CSK: variants seen among roughly 807,000 people sequenced by gnomAD.
CSK encodes the protein tyrosine-protein kinase CSK.
Under a neutral mutation model 62.3 loss-of-function variants are expected in CSK, and 7 were observed. That is an observed-to-expected ratio of 0.11 (90% CI 0.06 to 0.21). The LOEUF is 0.21. CSK is among the 10% of genes least tolerant of loss of function. The pLI is 1.00. For missense variants in CSK, 294 were observed against 613.5 expected, an observed-to-expected ratio of 0.48 and a Z score of 5.50; for synonymous variants, 237 against 246.0, an observed-to-expected ratio of 0.96 and a Z score of 0.34.
Position 74,802,777 on chromosome 15 carries a change from C to T in CSK, c.*264C>T, listed in dbSNP as rs976651751. The T allele has an allele frequency of 1.0e-4, 43 of 426,736 alleles. No homozygotes were observed. Among genetic ancestry groups the T allele is most frequent in the African/African-American group, 7.1e-4 (34 of 48,200 alleles). The allele number at this position is 426,736 out of a possible 1,614,324, so 26.4% of individuals were successfully genotyped here. On this transcript the variant is annotated 3_prime_UTR_variant, in exon 13 of 13. Coordinates refer to ENST00000220003, the MANE Select transcript of CSK (RefSeq NM_004383.3). ...ACCACGTCGGGCTTCCCTGGCCTCCCGCCACTCGCCTTCTTAGAGTTTTAT... is the reference window on the plus strand; with the variant it reads ...ACCACGTCGGGCTTCCCTGGCCTCCTGCCACTCGCCTTCTTAGAGTTTTAT...
intron 1 of CSK, among the ~76,000 whole-genome samples, chr15:74,793,878 G>A (rs1253434467): frequency 1.3e-5 from 2 of 152,008 alleles, no homozygotes; most frequent in African/African-American, 2.4e-5. Flanking sequence ...GAGGAAGGGG[G>A]AGGCATGGGG....
chr15:74,797,909 C>T (rs1037903905), intron 1 of CSK: 13 of 192,392 alleles, frequency 6.8e-5, no homozygotes, highest in Admixed American at 4.8e-4. Flanking sequence ...GCCCCTTTCC[C>T]CACAGAACAG....
chr15:74,786,002 C>CTCTCTTTTTTTTT (rs397829139), intron 1 of CSK, among the ~76,000 whole-genome samples: 1 of 73,620 alleles, frequency 1.4e-5, no homozygotes, highest in Non-Finnish European at 2.5e-5. Context: ...CTCTCTCTCT[C>CTCTCTTTTTTTTT]TTTTTTTTTT....
chr15:74,786,973 A>C (rs903177168), intron 1 of CSK, among the ~76,000 whole-genome samples: 1 of 152,164 alleles, frequency 6.6e-6, no homozygotes, highest in East Asian at 1.9e-4. Context: ...CTCCTGTCCC[A>C]CAGCTTGGGA....
chr15:74,792,343 G>A (rs1277810822), intron 1 of CSK, among the ~76,000 whole-genome samples: 1 of 152,138 alleles, frequency 6.6e-6, no homozygotes, highest in Non-Finnish European at 1.5e-5. Context: ...GAATGGCAAG[G>A]CGGGGAGGGA....
Position 74,800,702 on chromosome 15 carries a change from A to G in CSK, c.578A>G (p.Lys193Arg). Reference protein sequence around the residue: ...FYRSGWALNMKELKLLQTIGK... With the variant: ...FYRSGWALNMRELKLLQTIGK... ...ACAGGCGGCTGGGCCCTGAACATGA[A>G]GGAGCTGAAGCTGCTGCAGACCATC... Residue 193 changes from lysine (K) to arginine (R), a missense_variant, in exon 7 of 13, where the codon AAG becomes AGG. Physicochemically the swap from Lys to Arg is conservative, Grantham distance 26. Coordinates refer to ENST00000220003, the MANE Select transcript of CSK (RefSeq NM_004383.3). The G allele has an allele frequency of 6.4e-7, 1 of 1,560,412 alleles. No individual in the cohort carries two copies. Among genetic ancestry groups the G allele is most frequent in the South Asian group, 1.2e-5 (1 of 85,186 alleles).
At position 74,800,402 on chromosome 15, in the gene CSK, C is replaced by CA; in HGVS notation, c.463-9dup. The CA allele has an allele frequency of 2.5e-6, 4 of 1,613,144 alleles. No individual in the cohort carries two copies. Among genetic ancestry groups the CA allele is most frequent in the Non-Finnish European group, 3.4e-6 (4 of 1,179,526 alleles). On this transcript the variant is annotated splice_polypyrimidine_tract_variant and intron_variant, in intron 5 of 12. Coordinates refer to ENST00000220003, the MANE Select transcript of CSK (RefSeq NM_004383.3). ...CTGTCTCTGAGCACCCTGCCCCCCA[C>CA]ACCCTGCAGCACTACACCTCAGACG...
At chr15:74,792,232 G>C (rs924979902) in intron 1 of CSK, among the ~76,000 whole-genome samples, 9 of 152,144 alleles carry the variant, frequency 5.9e-5, no homozygotes, top group African/African-American at 2.2e-4. Flanking sequence ...CTGTCCTGCT[G>C]TGTTTTTTTA....
At chr15:74,789,756 A>G (rs766840630) in intron 1 of CSK, among the ~76,000 whole-genome samples, 1 of 152,088 alleles carries the variant, frequency 6.6e-6, no homozygotes, top group Non-Finnish European at 1.5e-5. Flanking sequence ...AAATCCTTCT[A>G]GCTCCTGCTC....
At chr15:74,794,863 C>A (rs1212629653) in intron 1 of CSK, among the ~76,000 whole-genome samples, 1 of 152,124 alleles carries the variant, frequency 6.6e-6, no homozygotes, top group South Asian at 2.1e-4. Flanking sequence ...TGCTGAGGCC[C>A]CATCGCCCTT....
chr15:74,792,911 G>C lies in CSK; in HGVS notation c.-65-5322G>C, dbSNP rs781018946. 3.9e-5 allele frequency: 6 copies of C among 152,328 alleles called. No individual in the cohort carries two copies. The South Asian group carries it at 6.2e-4, about 16-fold the overall frequency. The allele number at this position is 152,328 out of a possible 1,614,324, so 9.4% of individuals were successfully genotyped here. The stretch of plus-strand genomic sequence containing the variant: ...TGTCCCCTAGCTCTGTGGGGGTGGG[G>C]TGACAGCTGCTATCGCTTTGGGGTT... On this transcript the variant is annotated intron_variant, in intron 1 of 12. Coordinates refer to ENST00000220003, the MANE Select transcript of CSK (RefSeq NM_004383.3).
At position 74,802,499 on chromosome 15, in the gene CSK, G is replaced by A. The variant is rs777296284; in HGVS notation, c.1339G>A (p.Glu447Lys). 4 of 1,611,534 alleles carry A rather than the reference G, an allele frequency of 2.5e-6. No homozygotes were observed. Among genetic ancestry groups the A allele is most frequent in the Middle Eastern group, 1.7e-4 (1 of 6,048 alleles). ...GCAGCTTGAGCACATCAAAACCCAC[G>A]AGCTGCACCTGTGACGGCTGGCCTC... Reference protein sequence around the residue: ...REQLEHIKTHELHL With the variant: ...REQLEHIKTHKLHL Residue 447 changes from glutamate (E) to lysine (K), a missense_variant, in exon 13 of 13, where the codon GAG becomes AAG. Physicochemically the swap from Glu to Lys is moderately conservative, Grantham distance 56 (BLOSUM62 1). Transcript: ENST00000220003.
At chr15:74,791,721 C>A (rs997380610) in intron 1 of CSK, among the ~76,000 whole-genome samples, 4 of 152,174 alleles carry the variant, frequency 2.6e-5, no homozygotes, top group Non-Finnish European at 4.4e-5. Flanking sequence ...ATGACATTGA[C>A]ATGAAGAGTC....
At chr15:74,801,414 T>A (rs2063790811) in intron 9 of CSK, 108 bp from the exon 10 acceptor site, 1 of 1,096,052 alleles carries the variant, frequency 9.1e-7, no homozygotes. Context: ...ACTCCTTCCC[T>A]GTCTCACACC....
rs1020843817 is a variant in CSK, at chr15:74,798,003, G to A, written c.-65-230G>A. The A allele has an allele frequency of 1.9e-5, 7 of 370,012 alleles. No homozygotes were observed. Among genetic ancestry groups the A allele is most frequent in the Admixed American group, 8.7e-5 (2 of 22,890 alleles). The allele number at this position is 370,012 out of a possible 1,614,324, so 22.9% of individuals were successfully genotyped here. ...TGCTCCTTTCTATCAGTCCTGGAAG[G>A]CCCCCTGTGGCCTTAGGGTTGGTGG... On this transcript the variant is annotated intron_variant, in intron 1 of 12. Coordinates refer to ENST00000220003, the MANE Select transcript of CSK (RefSeq NM_004383.3). The surrounding 1 kb of genome is among the most constrained non-coding windows in gnomAD (Gnocchi z 6.6).
At chr15:74,793,463 C>T (rs2063656524) in intron 1 of CSK, among the ~76,000 whole-genome samples, 1 of 152,184 alleles carries the variant, frequency 6.6e-6, no homozygotes, top group Non-Finnish European at 1.5e-5. Context: ...GCCTGTCCGG[C>T]AGGGAGGCAC....
At chr15:74,784,198 G>A (rs544013158) in intron 1 of CSK, among the ~76,000 whole-genome samples, 4 of 152,274 alleles carry the variant, frequency 2.6e-5, no homozygotes, top group African/African-American at 7.2e-5. Flanking sequence ...CCCTGCTCAC[G>A]ATTTAGGGTT....
chr15:74,798,743 C>G lies in CSK; in HGVS notation c.129+15C>G. 6.2e-7 allele frequency: 1 copy of G among 1,610,344 alleles called. No individual in the cohort carries two copies. The highest frequency in any genetic ancestry group is 8.5e-7 in the Non-Finnish European group (1 of 1,177,222). On this transcript the variant is annotated intron_variant, in intron 3 of 12. Transcript: ENST00000220003. The surrounding 1 kb of genome is among the most constrained non-coding windows in gnomAD (Gnocchi z 6.6). ...CCGTCACCAAGGTAATCAGGTGACG[C>G]CCACCCCACCATCCCACTGCTGGGC...
At chr15:74,786,833 C>T (rs2063529147) in intron 1 of CSK, among the ~76,000 whole-genome samples, 1 of 152,204 alleles carries the variant, frequency 6.6e-6, no homozygotes, top group Non-Finnish European at 1.5e-5. Context: ...AGGGGTCCTC[C>T]CCCAGGTGGC....
Sources: gnomAD v4.1 joint callset for allele counts (sites outside exome capture counted in the v4.1 genomes callset) on GRCh38, gnomAD v4.1.1 for gene constraint, Gnocchi (gnomAD v3.1) non-coding constraint, MANE v1.5 for transcripts, NCBI Gene and HGNC (gene_info 2026-07-23, HGNC 2026-07-21) for gene names.